The following AGAP4 variants were observed in gnomAD, a reference collection of about 807,000 sequenced individuals.
AGAP4 encodes arf-GAP with GTPase, ANK repeat and PH domain-containing protein 4.
AGAP4 carries 13 observed loss-of-function variants against 60.7 expected under a neutral mutation model. That is an observed-to-expected ratio of 0.21 (90% CI 0.14 to 0.34). The LOEUF (loss-of-function observed/expected upper bound fraction) is 0.34. Among genes scored for constraint, AGAP4 ranks in the 10% least tolerant of loss-of-function variants. The pLI is 1.00. For synonymous variants in AGAP4, 70 were observed against 339.0 expected (o/e 0.21, Z 8.72); for missense variants, 169 against 884.0 (o/e 0.19, Z 10.26).
upstream of AGAP4, among the ~76,000 whole-genome samples, chr10:45,850,464 T>C (rs2059069727): frequency 6.6e-6 from 1 of 151,658 alleles, no homozygotes; most frequent in African/African-American, 2.4e-5. Flanking sequence ...GATGCTGGGG[T>C]GGTTTTAATT....
At chr10:45,843,731 G>C (rs1396878678) in intron 3 of AGAP4, among the ~76,000 whole-genome samples, 1 of 142,410 alleles carries the variant, frequency 7.0e-6, no homozygotes, top group Non-Finnish European at 1.5e-5. Flanking sequence ...AAATAAATGA[G>C]GATTTAATAT....
Position 45,840,158 on chromosome 10 carries a change from A to C in AGAP4, c.396+1495T>G, listed in dbSNP as rs1246335040. ...GAACCTTAGAGAGAGAGATTCTAAAAAGCTTCCGCAGATAACTAAAACCTG... is the reference window on the plus strand; with the variant it reads ...GAACCTTAGAGAGAGAGATTCTAAACAGCTTCCGCAGATAACTAAAACCTG... On this transcript the variant is annotated intron_variant, in intron 4 of 7. Transcript: ENST00000616763. Among the ~76,000 whole-genome samples the C allele has an allele frequency of 6.7e-5, 10 of 148,438 alleles. 1 individual carries two copies. Among genetic ancestry groups the C allele is most frequent in the Non-Finnish European group, 1.5e-5 (1 of 67,118 alleles).
chr10:45,847,625 C>T (rs1231432400), upstream of AGAP4: 12 of 1,401,888 alleles, frequency 8.6e-6, no homozygotes, highest in Non-Finnish European at 1.1e-5. Flanking sequence ...AGGTTGTGAA[C>T]CCAACAAGTG....
chr10:45,844,659 T>C (rs1240815071), intron 2 of AGAP4, among the ~76,000 whole-genome samples: 2 of 111,358 alleles, frequency 1.8e-5, no homozygotes, highest in Non-Finnish European at 3.9e-5. Context: ...GACACCCTCC[T>C]TTATTTAAAA....
upstream of AGAP4, among the ~76,000 whole-genome samples, chr10:45,849,898 G>A (rs1326092763): frequency 4.0e-5 from 6 of 150,430 alleles, no homozygotes; most frequent in African/African-American, 7.4e-5. Context: ...ATGAGCCACC[G>A]TGCCCAGCCA....
At chr10:45,834,327 G>A (rs1174445385) in intron 4 of AGAP4, among the ~76,000 whole-genome samples, 1 of 130,854 alleles carries the variant, frequency 7.6e-6, no homozygotes, top group Non-Finnish European at 1.6e-5. Flanking sequence ...CCTTAATATG[G>A]TACCTGTCAT....
At chr10:45,853,423 G>A (rs1453844974) in intron 1 of AGAP4, among the ~76,000 whole-genome samples, 6 of 151,072 alleles carry the variant, frequency 4.0e-5, no homozygotes, top group African/African-American at 9.8e-5. Flanking sequence ...TGGGTTATTA[G>A]GTGCCTGTAG....
At chr10:45,829,932 C>G (rs1159231114) in intron 6 of AGAP4, among the ~76,000 whole-genome samples, 1 of 148,440 alleles carries the variant, frequency 6.7e-6, no homozygotes, top group East Asian at 1.9e-4. Context: ...TTCCAAGTAA[C>G]TAATGCATGA....
At chr10:45,834,831 T>A (rs1451341005) in intron 4 of AGAP4, among the ~76,000 whole-genome samples, 1 of 146,226 alleles carries the variant, frequency 6.8e-6, no homozygotes, top group Non-Finnish European at 1.5e-5. Context: ...TGGAGTGCAG[T>A]GGCGCGATCT....
At chr10:45,829,391 T>C (rs2058695687) in intron 6 of AGAP4, among the ~76,000 whole-genome samples, 1 of 147,868 alleles carries the variant, frequency 6.8e-6, no homozygotes, top group Non-Finnish European at 1.5e-5. Context: ...AAATCACTTT[T>C]TTCACAGAAC....
Position 45,825,917 on chromosome 10 carries a change from A to G in AGAP4, c.2059T>C (p.Ter687GlnextTer50), listed in dbSNP as rs1554896048. ...LQYGCPDKCV* is the reference protein window; with the variant it reads ...LQYGCPDKCVQ Reference sequence around the variant, plus strand: ...ACTGCAGTCAAATAAAACAGATACTACACACACTTGTCGGGGCAGCCGTAC... The same window carrying G: ...ACTGCAGTCAAATAAAACAGATACTGCACACACTTGTCGGGGCAGCCGTAC... Residue 687 changes from the stop codon to glutamine (Q), a stop_lost, in exon 8 of 8, where the codon TAG becomes CAG. Coordinates refer to ENST00000616763, the MANE Select transcript of AGAP4 (RefSeq NM_001276343.3). 20 of 1,310,880 alleles carry G rather than the reference A, an allele frequency of 1.5e-5. 6 individuals are homozygous for G. The highest frequency in any genetic ancestry group is 2.1e-5 in the Non-Finnish European group (20 of 970,684). 81.2% of individuals were successfully genotyped at this position (1,310,880 alleles called of 1,614,324 possible). A position where few individuals can be genotyped will look rare whatever the true frequency, so the allele number is the denominator to read the frequency against.
intron 3 of AGAP4, 167 bp downstream of exon 3, chr10:45,844,156 TAAC>T (rs1193899504): frequency 3.0e-5 from 18 of 605,684 alleles, no homozygotes; most frequent in Non-Finnish European, 4.9e-5. Flanking sequence ...ACGTTTTCAC[TAAC>T]ATCATAACAA....
intron 6 of AGAP4, among the ~76,000 whole-genome samples, chr10:45,828,686 C>CTTT (rs1229743163): frequency 1.2e-4 from 5 of 41,366 alleles, no homozygotes; most frequent in Non-Finnish European, 1.7e-4. Context: ...CATAACTGTT[C>CTTT]TTTTTTTTTT....
intron 1 of AGAP4, among the ~76,000 whole-genome samples, 162 bp downstream of exon 1, chr10:45,846,963 G>T (rs1293554910): frequency 6.6e-6 from 1 of 151,688 alleles, no homozygotes; most frequent in African/African-American, 2.4e-5. Flanking sequence ...ATACTAAGGG[G>T]TGGGAATTCA....
upstream of AGAP4, chr10:45,853,920 A>C (rs1443150808): frequency 1.7e-6 from 2 of 1,183,788 alleles, no homozygotes; most frequent in South Asian, 3.2e-5. Context: ...AGTAGTTGTT[A>C]TCACGTAAGT....
At chr10:45,841,776 G>C in intron 3 of AGAP4, 89 bp from the exon 4 acceptor site, 1 of 1,047,680 alleles carries the variant, frequency 9.5e-7, no homozygotes, top group Non-Finnish European at 1.3e-6. Flanking sequence ...TTACTCCTAT[G>C]AAAAATGAGA....
At chr10:45,849,693 T>A (rs1424258404), upstream of AGAP4, among the ~76,000 whole-genome samples, 8 of 149,996 alleles carry the variant, frequency 5.3e-5, no homozygotes, top group Non-Finnish European at 7.4e-5. Flanking sequence ...CAGGCAGGAG[T>A]GCAATGGCAT....
upstream of AGAP4, among the ~76,000 whole-genome samples, chr10:45,850,794 G>A (rs1249947767): frequency 6.6e-6 from 1 of 151,754 alleles, no homozygotes; most frequent in Admixed American, 6.6e-5. Context: ...CAAGAATGTA[G>A]GAAGAGAAAT....
At chr10:45,829,653 A>T (rs2058699673) in intron 6 of AGAP4, among the ~76,000 whole-genome samples, 1 of 152,194 alleles carries the variant, frequency 6.6e-6, no homozygotes, top group Non-Finnish European at 1.5e-5. Context: ...GATCATGCCA[A>T]TGCACTCCAG....
Sources: gnomAD v4.1 joint callset for allele counts (sites outside exome capture counted in the v4.1 genomes callset) on GRCh38, gnomAD v4.1.1 for gene constraint, MANE v1.5 for transcripts, NCBI Gene and HGNC (gene_info 2026-07-23, HGNC 2026-07-21) for gene names.